CDH22: variants seen among roughly 807,000 people sequenced by gnomAD.
CDH22 encodes cadherin-22.
A neutral mutation model predicts 58.4 loss-of-function variants in CDH22; 30 were observed. The ratio of observed to expected loss-of-function variants is 0.51; its 90% confidence interval spans 0.38 to 0.70. The LOEUF (loss-of-function observed/expected upper bound fraction) is 0.70. CDH22 is among the 30% of genes least tolerant of loss of function. CDH22 has a pLI of 0.00. For missense variants in CDH22, 1,014 were observed against 1,233.9 expected (o/e 0.82, Z 2.67); for synonymous variants, 513 against 558.2 (o/e 0.92, Z 1.14).
rs149967017 is a variant in CDH22 at position 46,210,490 on chromosome 20, C to T, written c.1103G>A (p.Arg368His). The change falls in exon 7 of 12, where the codon CGC becomes CAC. Residue 368 changes from arginine (R) to histidine (H), a missense_variant. Around this residue, in one of 2 missense-constraint regions of CDH22, gnomAD observed 806 missense variants for 1,038.7 expected, o/e 0.78. Transcript: ENST00000537909. The surrounding 1 kb of genome is among the most constrained non-coding windows in gnomAD (Gnocchi z 4.5). ...GCGGAACGTGCCCAGGTCGGCGAAG[C>T]GGGGGTCCACGAACTTGTTGAGGGC... ...LEALNKFVDP[R>H]FADLGTFRDQ... The T allele has an allele frequency of 6.3e-6, 9 of 1,430,678 alleles. No individual in the cohort carries two copies. The African/African-American group carries it at 7.4e-5, about 12-fold the overall frequency. The allele number at this position is 1,430,678 out of a possible 1,614,324, so 88.6% of individuals were successfully genotyped here. A position where few individuals can be genotyped will look rare whatever the true frequency, so the allele number is the denominator to read the frequency against.
At chr20:46,247,428 A>G (rs898737755) in intron 2 of CDH22, among the ~76,000 whole-genome samples, 2 of 152,090 alleles carry the variant, frequency 1.3e-5, no homozygotes, top group African/African-American at 4.8e-5. Flanking sequence ...TTCAGAAACA[A>G]AATTGGGTCT....
chr20:46,292,916 T>TTGTG (rs74176860), intron 1 of CDH22, among the ~76,000 whole-genome samples: 20,677 of 143,742 alleles, frequency 0.14, 1,572 homozygotes, highest in South Asian at 0.21. Context: ...CAGCCACTGG[T>TTGTG]TGTGTGTGTG....
At chr20:46,222,612 C>G (rs530215123) in intron 4 of CDH22, among the ~76,000 whole-genome samples, 1 of 152,222 alleles carries the variant, frequency 6.6e-6, no homozygotes. Flanking sequence ...GGCCTCAGCT[C>G]CCGCAGCCTT....
chr20:46,251,551 G>C lies in CDH22; in HGVS notation c.-257C>G, dbSNP rs3092684. 115,768 of 290,906 alleles carry C rather than the reference G, an allele frequency of 0.4. 23,659 individuals are homozygous for C. The highest frequency in any genetic ancestry group is 0.53 in the Middle Eastern group (552 of 1,040). The allele number at this position is 290,906 out of a possible 1,614,324, so 18.0% of individuals were successfully genotyped here. A position where few individuals can be genotyped will look rare whatever the true frequency, so the allele number is the denominator to read the frequency against. On this transcript the variant is annotated 5_prime_UTR_variant, in exon 2 of 12. Coordinates refer to ENST00000537909, the MANE Select transcript of CDH22 (RefSeq NM_021248.3). This position sits in a 1 kb window ranked among gnomAD's most constrained non-coding sequence, Gnocchi z 6.7. ...CCCCGGGGTGCCCGCCCGCGCCCCC[G>C]TCGCCGCGTCGCGTGCGGATCACCA...
intron 1 of CDH22, among the ~76,000 whole-genome samples, chr20:46,262,952 G>C (rs1264674962): frequency 6.6e-6 from 1 of 152,188 alleles, no homozygotes; most frequent in Non-Finnish European, 1.5e-5. Context: ...GTCCAGCTCT[G>C]ACTCAATGTT....
intron 4 of CDH22, 135 bp downstream of exon 4, chr20:46,227,373 C>T: frequency 1.2e-6 from 1 of 828,178 alleles, no homozygotes; most frequent in Non-Finnish European, 1.9e-6. Context: ...TCCTGCTGTG[C>T]ACAAGGTGCC....
intron 1 of CDH22, among the ~76,000 whole-genome samples, chr20:46,268,881 G>C (rs1234230136): frequency 6.6e-6 from 1 of 152,228 alleles, no homozygotes; most frequent in African/African-American, 2.4e-5. Flanking sequence ...GGAAGCAGTT[G>C]ACTCTGGGGC....
At chr20:46,292,569 G>A (rs368058241) in intron 1 of CDH22, among the ~76,000 whole-genome samples, 116 of 152,220 alleles carry the variant, frequency 7.6e-4, no homozygotes, top group African/African-American at 2.5e-3. Flanking sequence ...TAGGGTATCC[G>A]GTGTCTTAGT....
intron 1 of CDH22, among the ~76,000 whole-genome samples, chr20:46,304,295 G>A (rs1460015023): frequency 6.6e-6 from 1 of 152,228 alleles, no homozygotes; most frequent in Non-Finnish European, 1.5e-5. Flanking sequence ...AGGGATATGA[G>A]CAATAACAAT....
intron 4 of CDH22, among the ~76,000 whole-genome samples, chr20:46,221,154 G>A (rs983917245): frequency 2.0e-5 from 3 of 152,130 alleles, no homozygotes; most frequent in African/African-American, 7.2e-5. Flanking sequence ...CACTCCCAGC[G>A]ACCCGACAGC....
chr20:46,182,283 A>G (rs939612548), intron 10 of CDH22, among the ~76,000 whole-genome samples: 1 of 152,190 alleles, frequency 6.6e-6, no homozygotes, highest in African/African-American at 2.4e-5. Context: ...AATGGACAGA[A>G]TGGATGCGGT....
chr20:46,223,657 T>TC (rs1568664061), intron 4 of CDH22, among the ~76,000 whole-genome samples: 59 of 140,350 alleles, frequency 4.2e-4, no homozygotes, highest in African/African-American at 1.4e-3. Context: ...TTCTCTTTCT[T>TC]TTTCTTTCCT....
chr20:46,241,395 GC>G lies in CDH22; in HGVS notation c.256-139del. 2 of 746,264 alleles carry G rather than the reference GC, an allele frequency of 2.7e-6. No individual in the cohort carries two copies. The highest frequency in any genetic ancestry group is 1.9e-5 in the South Asian group (1 of 52,866). 46.2% of individuals were successfully genotyped at this position (746,264 alleles called of 1,614,324 possible). A position where few individuals can be genotyped will look rare whatever the true frequency, so the allele number is the denominator to read the frequency against. On this transcript the variant is annotated intron_variant, in intron 2 of 11. Transcript: ENST00000537909. This position sits in a 1 kb window ranked among gnomAD's most constrained non-coding sequence, Gnocchi z 5.2. ...ACACATCTTTAGTGAGGACACTGAG[GC>G]CCAGCAGCCACGCTCACTTCCATCC...
At chr20:46,181,438 G>T (rs1003667213) in intron 10 of CDH22, among the ~76,000 whole-genome samples, 3 of 152,058 alleles carry the variant, frequency 2.0e-5, no homozygotes. Context: ...TCAGGGACCC[G>T]GGACACTCAG....
chr20:46,231,112 T>C (rs1021933818), intron 3 of CDH22, among the ~76,000 whole-genome samples: 1 of 152,184 alleles, frequency 6.6e-6, no homozygotes, highest in African/African-American at 2.4e-5. Context: ...GAAGTAGAGC[T>C]GGGACTGGTT....
At chr20:46,301,969 C>G (rs1385147844) in intron 1 of CDH22, among the ~76,000 whole-genome samples, 1 of 152,202 alleles carries the variant, frequency 6.6e-6, no homozygotes, top group East Asian at 1.9e-4. Context: ...CGGGTGCATC[C>G]TTCTCTCCTC....
Position 46,175,073 on chromosome 20 carries a change from C to T in CDH22, c.1920G>A (p.Leu640=). The change falls in exon 12 of 12, where the codon CTG becomes CTA. Residue 640 remains leucine, a synonymous_variant. Coordinates refer to ENST00000537909, the MANE Select transcript of CDH22 (RefSeq NM_021248.3). ...LLVCVLILVV[L]VLLILTLRRH... ...GCCTGAGGGTGAGGATCAGCAGCAC[C>T]AGCACTGCGAGGGGGACAGAGGGGG... is the stretch of plus-strand genomic sequence containing the variant. 6.3e-7 allele frequency: 1 copy of T among 1,595,724 alleles called. No individual in the cohort carries two copies. Among genetic ancestry groups the T allele is most frequent in the Non-Finnish European group, 8.5e-7 (1 of 1,173,494 alleles).
At chr20:46,292,221 TGA>T (rs1369167956) in intron 1 of CDH22, among the ~76,000 whole-genome samples, 2 of 152,110 alleles carry the variant, frequency 1.3e-5, no homozygotes, top group African/African-American at 4.8e-5. Context: ...TCCCCCAGGG[TGA>T]GTGTTGAGTG....
At chr20:46,245,252 C>CT (rs1386663757) in intron 2 of CDH22, among the ~76,000 whole-genome samples, 2 of 152,178 alleles carry the variant, frequency 1.3e-5, no homozygotes, top group African/African-American at 2.4e-5. Context: ...TCAATGCCTT[C>CT]TTGTCTTTCA....
Sources: gnomAD v4.1 joint callset for allele counts (sites outside exome capture counted in the v4.1 genomes callset) on GRCh38, gnomAD v4.1.1 for gene constraint, gnomAD v4.1.1 regional missense constraint, Gnocchi (gnomAD v3.1) non-coding constraint, MANE v1.5 for transcripts, NCBI Gene and HGNC (gene_info 2026-07-23, HGNC 2026-07-21) for gene names.